SEMA3A: variants seen among roughly 807,000 people sequenced by gnomAD.
The protein encoded by SEMA3A is semaphorin 3A.
A neutral mutation model predicts 97.9 loss-of-function variants in SEMA3A; 29 were observed. The ratio of observed to expected loss-of-function variants is 0.30; its 90% CI spans 0.22 to 0.40. The LOEUF is 0.40. SEMA3A is among the 10% of genes least tolerant of loss of function. The pLI is 1.00. For synonymous variants in SEMA3A, 321 were observed against 323.7 expected (o/e 0.99, Z 0.09); for missense variants, 763 against 951.3 (o/e 0.80, Z 2.60).
At chr7:84,282,162 C>T (rs536679265) in intron 3 of SEMA3A, among the ~76,000 whole-genome samples, 3 of 152,132 alleles carry the variant, frequency 2.0e-5, no homozygotes, top group South Asian at 4.2e-4. Flanking sequence ...GGAACCAATC[C>T]GCCACTATTA....
At chr7:84,256,302 T>C in intron 3 of SEMA3A, among the ~76,000 whole-genome samples, 1 of 152,196 alleles carries the variant, frequency 6.6e-6, no homozygotes, top group East Asian at 1.9e-4. Context: ...TACATCATTA[T>C]TTAAAAGTAA....
Position 83,958,083 on chromosome 7 carries a change from G to A in SEMA3A, c.*3288C>T, listed in dbSNP as rs939238735. 3 of 152,002 alleles carry A rather than the reference G, an allele frequency of 2.0e-5. No individual in the cohort carries two copies. The highest frequency in any genetic ancestry group is 7.2e-5 in the African/African-American group (3 of 41,412). 9.4% of individuals were successfully genotyped at this position (152,002 alleles called of 1,614,324 possible). ...TGTGGATCCTGAATAAAACCAAACT[G>A]ATTATGAAAATGACACATTATAAAA... On this transcript the variant is annotated 3_prime_UTR_variant, in exon 17 of 17. Transcript: ENST00000265362.
At chr7:84,063,374 A>C (rs1180715462) in intron 4 of SEMA3A, among the ~76,000 whole-genome samples, 12 of 150,724 alleles carry the variant, frequency 8.0e-5, no homozygotes, top group Admixed American at 4.6e-4. Flanking sequence ...CTCCTCCTCC[A>C]AAGGAACGCA....
Position 84,005,568 on chromosome 7 carries a change from TAAAGAGAA to T in SEMA3A, c.1141-18_1141-11del. The T allele has an allele frequency of 6.4e-7, 1 of 1,551,310 alleles. No homozygotes were observed. The highest frequency in any genetic ancestry group is 8.9e-7 in the Non-Finnish European group (1 of 1,127,966). ...ATGTTTTGCTGGGACACTATTAAGA[TAAAGAGAA>T]AATTATCTTTTGATTAAAATCTAAT... On this transcript the variant is annotated splice_polypyrimidine_tract_variant and intron_variant, in intron 10 of 16. Coordinates refer to ENST00000265362, the MANE Select transcript of SEMA3A (RefSeq NM_006080.3).
At chr7:84,418,689 G>A (rs757414194) in intron 1 of SEMA3A, among the ~76,000 whole-genome samples, 1 of 151,924 alleles carries the variant, frequency 6.6e-6, no homozygotes, top group Non-Finnish European at 1.5e-5. Context: ...TAGTACTCTG[G>A]CACTTGTACC....
intron 1 of SEMA3A, among the ~76,000 whole-genome samples, chr7:84,150,940 CT>C (rs368398431): frequency 0.032 from 4,840 of 150,224 alleles, 115 homozygotes; most frequent in South Asian, 0.076. Flanking sequence ...CCCCTGACCC[CT>C]GAGCAGCCTA....
rs533088519 is a variant in SEMA3A at position 84,304,376 on chromosome 7, C to A, written c.-83+2831G>T. Among the ~76,000 whole-genome samples, 60 of 151,586 alleles carry A rather than the reference C, an allele frequency of 4.0e-4. 1 individual carries two copies. Among genetic ancestry groups the A allele is most frequent in the African/African-American group, 1.4e-3 (59 of 41,360 alleles). ...AAGTGTTATAATAAATAATTACTTG[C>A]CAAATAAAGAATGCTTTTCAAAGAA... is the stretch of plus-strand genomic sequence containing the variant. On this transcript the variant is annotated intron_variant, in intron 3 of 3. Coordinates refer to the SEMA3A transcript ENST00000424555.
At chr7:84,249,374 T>TCTAC (rs1361742556) in intron 3 of SEMA3A, among the ~76,000 whole-genome samples, 1 of 146,304 alleles carries the variant, frequency 6.8e-6, no homozygotes, top group Non-Finnish European at 1.5e-5. Context: ...CTATCATCTA[T>TCTAC]CTATCTATCT....
rs2116237278 is a variant in SEMA3A, at chr7:83,959,365, C to G, written c.*2006G>C. ...TAAAAGAATGACCTATTTTTTGGAG[C>G]ACTCTTTGTTCTTCGATTTATATTT... On this transcript the variant is annotated 3_prime_UTR_variant, in exon 17 of 17. Transcript: ENST00000265362. 6.6e-6 allele frequency: 1 copy of G among 152,096 alleles called. No individual in the cohort carries two copies. The highest frequency in any genetic ancestry group is 1.9e-4 in the East Asian group (1 of 5,184). The allele number at this position is 152,096 out of a possible 1,614,324, so 9.4% of individuals were successfully genotyped here. A position where few individuals can be genotyped will look rare whatever the true frequency, so the allele number is the denominator to read the frequency against.
rs113042412 is a variant in SEMA3A at position 84,307,392 on chromosome 7, T to A, written c.-168-100A>T. ...ACTTAATTAAAAGTCAGTTTAAATT[T>A]CTTCAAACAACCCCTCTATCTTGTG... On this transcript the variant is annotated intron_variant, in intron 2 of 3. Coordinates refer to the SEMA3A transcript ENST00000424555. 5 of 152,316 alleles carry A rather than the reference T, an allele frequency of 3.3e-5. 1 individual carries two copies. Among genetic ancestry groups the A allele is most frequent in the African/African-American group, 1.2e-4 (5 of 41,584 alleles). The allele number at this position is 152,316 out of a possible 1,614,324, so 9.4% of individuals were successfully genotyped here.
intron 1 of SEMA3A, among the ~76,000 whole-genome samples, chr7:84,487,382 A>C (rs2116446056): frequency 6.6e-6 from 1 of 152,084 alleles, no homozygotes; most frequent in East Asian, 1.9e-4. Flanking sequence ...TACTCAGACT[A>C]CCCAGATCTG....
chr7:84,443,056 T>C (rs1046836516), intron 1 of SEMA3A, among the ~76,000 whole-genome samples: 2 of 152,046 alleles, frequency 1.3e-5, no homozygotes, highest in Non-Finnish European at 2.9e-5. Context: ...CAATAATGAA[T>C]AGAGCAATCA....
intron 1 of SEMA3A, among the ~76,000 whole-genome samples, chr7:84,438,110 T>A (rs929819048): frequency 6.6e-6 from 1 of 152,036 alleles, no homozygotes; most frequent in African/African-American, 2.4e-5. Flanking sequence ...CTAGGGGGTA[T>A]GCTTTATTAA....
intron 6 of SEMA3A, among the ~76,000 whole-genome samples, chr7:84,033,258 A>C (rs894974306): frequency 2.0e-5 from 3 of 152,168 alleles, no homozygotes; most frequent in Non-Finnish European, 4.4e-5. Flanking sequence ...AAAATTCTTA[A>C]TATGTAGTTA....
chr7:84,291,510 A>G (rs1465592062), intron 3 of SEMA3A, among the ~76,000 whole-genome samples: 1 of 152,044 alleles, frequency 6.6e-6, no homozygotes, highest in African/African-American at 2.4e-5. Context: ...CTATCAGAAA[A>G]ATGTTAAAAA....
chr7:84,176,842 G>T (rs574325745), intron 1 of SEMA3A, among the ~76,000 whole-genome samples: 3 of 152,208 alleles, frequency 2.0e-5, no homozygotes, highest in Admixed American at 1.3e-4. Flanking sequence ...AGTTTAGGGT[G>T]TGCAACATGC....
chr7:84,370,539 A>G (rs915518260), intron 2 of SEMA3A, among the ~76,000 whole-genome samples: 7 of 151,700 alleles, frequency 4.6e-5, no homozygotes, highest in African/African-American at 1.4e-4. Flanking sequence ...AAAGGTTAGA[A>G]ACATCTTGGT....
chr7:83,997,979 G>A (rs988892897), intron 12 of SEMA3A, among the ~76,000 whole-genome samples: 20 of 151,800 alleles, frequency 1.3e-4, no homozygotes, highest in East Asian at 3.9e-4. Context: ...CTCGTGATTC[G>A]CATGCCTCGG....
intron 1 of SEMA3A, among the ~76,000 whole-genome samples, chr7:84,171,695 G>A (rs1797386072): frequency 6.6e-6 from 1 of 151,986 alleles, no homozygotes. Context: ...CTAAGATGAT[G>A]TAAATGTAAA....
Sources: gnomAD v4.1 joint callset for allele counts (sites outside exome capture counted in the v4.1 genomes callset) on GRCh38, gnomAD v4.1.1 for gene constraint, MANE v1.5 for transcripts, NCBI Gene and HGNC (gene_info 2026-07-23, HGNC 2026-07-21) for gene names.